MAGI1: variants seen among roughly 807,000 people sequenced by gnomAD.
MAGI1 encodes membrane-associated guanylate kinase, WW and PDZ domain-containing protein 1.
In MAGI1, 58 loss-of-function variants were observed where a neutral mutation model predicts 139.9. The ratio of observed to expected loss-of-function variants is 0.41; its 90% confidence interval spans 0.34 to 0.52. The LOEUF is 0.52. MAGI1 is among the 20% of genes least tolerant of loss of function. The probability of loss-of-function intolerance (pLI) is 0.12; values close to 1 mark genes in which losing one functional copy is unlikely to be tolerated. For synonymous variants in MAGI1, 812 were observed against 737.9 expected (o/e 1.10, Z -1.63); for missense variants, 1,874 against 1,901.6 (o/e 0.99, Z 0.27).
chr3:65,585,138 C>T (rs2081614550), intron 2 of MAGI1, among the ~76,000 whole-genome samples: 2 of 152,214 alleles, frequency 1.3e-5, no homozygotes, highest in Admixed American at 6.5e-5. Flanking sequence ...TTACAGAGGT[C>T]AAATGATTTG....
chr3:65,500,823 C>A (rs903517588), intron 2 of MAGI1, among the ~76,000 whole-genome samples: 1 of 152,200 alleles, frequency 6.6e-6, no homozygotes, highest in African/African-American at 2.4e-5. Context: ...TAATCAGGGT[C>A]CTGCTTGTCA....
chr3:65,821,199 GA>G (rs1424136543), intron 1 of MAGI1, among the ~76,000 whole-genome samples: 1 of 152,092 alleles, frequency 6.6e-6, no homozygotes, highest in Non-Finnish European at 1.5e-5. Flanking sequence ...AGAACTCAAG[GA>G]AACAAAGTGA....
At chr3:65,939,468 C>T (rs1039777932) in intron 1 of MAGI1, among the ~76,000 whole-genome samples, 2 of 152,176 alleles carry the variant, frequency 1.3e-5, no homozygotes, top group African/African-American at 2.4e-5. Flanking sequence ...TCTTAAATTA[C>T]TCATAAACAA....
chr3:65,586,768 G>C (rs1380317633), intron 2 of MAGI1, among the ~76,000 whole-genome samples: 1 of 148,556 alleles, frequency 6.7e-6, no homozygotes, highest in Non-Finnish European at 1.5e-5. Flanking sequence ...GCAAGTAACA[G>C]ATTTTTTTTT....
chr3:65,361,122 T>C, intron 22 of MAGI1, 77 bp downstream of exon 22: 4 of 1,613,292 alleles, frequency 2.5e-6, no homozygotes, highest in East Asian at 2.2e-5. Flanking sequence ...CAAAAAAGAC[T>C]TTCCTGCTGC....
intron 2 of MAGI1, among the ~76,000 whole-genome samples, chr3:65,599,882 C>A (rs1479532306): frequency 2.6e-5 from 4 of 152,168 alleles, no homozygotes; most frequent in African/African-American, 9.7e-5. Flanking sequence ...TCGCTGGCTT[C>A]ATTCTTGATT....
At chr3:65,789,654 T>A (rs2039625198) in intron 1 of MAGI1, among the ~76,000 whole-genome samples, 1 of 152,122 alleles carries the variant, frequency 6.6e-6, no homozygotes, top group Non-Finnish European at 1.5e-5. Context: ...ACTTTAAGTA[T>A]TAAAGGACAG....
chr3:66,028,830 C>G (rs1266691032), intron 1 of MAGI1, among the ~76,000 whole-genome samples: 2 of 152,024 alleles, frequency 1.3e-5, no homozygotes, highest in Non-Finnish European at 2.9e-5. Context: ...CTGAATCAAG[C>G]AGAAAAAAGA....
At chr3:65,569,909 GTGAATTATTTTTACTGAAATACT>G (rs1213782651) in intron 2 of MAGI1, among the ~76,000 whole-genome samples, 8 of 151,696 alleles carry the variant, frequency 5.3e-5, no homozygotes, top group Non-Finnish European at 7.4e-5. Flanking sequence ...TATTTATCTG[GTGAATTATTTTTACTGAAATACT>G]TGAATTATTT....
chr3:65,870,346 G>A (rs1369629005), intron 1 of MAGI1, among the ~76,000 whole-genome samples: 1 of 152,064 alleles, frequency 6.6e-6, no homozygotes, highest in Non-Finnish European at 1.5e-5. Context: ...CCAAATGATA[G>A]GGAAAGCCTG....
intron 3 of MAGI1, among the ~76,000 whole-genome samples, chr3:65,483,843 A>T (rs967493862): frequency 3.3e-5 from 5 of 152,230 alleles, no homozygotes; most frequent in African/African-American, 1.2e-4. Context: ...ACAAAGCCAA[A>T]GAAAATATTT....
At chr3:65,557,683 T>A (rs2080151887) in intron 2 of MAGI1, among the ~76,000 whole-genome samples, 1 of 152,202 alleles carries the variant, frequency 6.6e-6, no homozygotes, top group Non-Finnish European at 1.5e-5. Context: ...ACGAAATCGA[T>A]CAGTGCCAGT....
intron 1 of MAGI1, among the ~76,000 whole-genome samples, chr3:65,902,264 T>G (rs1047911778): frequency 7.5e-4 from 114 of 152,324 alleles, no homozygotes; most frequent in African/African-American, 2.6e-3. Context: ...ATCAGGTTCC[T>G]GAACACTGCT....
chr3:65,675,762 T>C (rs1272425461), intron 1 of MAGI1, among the ~76,000 whole-genome samples: 2 of 152,152 alleles, frequency 1.3e-5, no homozygotes, highest in Admixed American at 6.6e-5. Flanking sequence ...TGATAACAAT[T>C]GTCTTTGATA....
chr3:65,363,909 C>G (rs770983659), intron 20 of MAGI1, among the ~76,000 whole-genome samples: 6 of 152,256 alleles, frequency 3.9e-5, no homozygotes, highest in Admixed American at 2.6e-4. Context: ...AGCCACCTGG[C>G]TGCTGGATGC....
rs916687032 is a variant in MAGI1 at position 65,881,000 on chromosome 3, C to A, written c.313+156996G>T. ...GTGGCATGCTGCCACCTCTGCCTCC[C>A]GGGCTCAAGCGATCTTCCCGCCTCA... On this transcript the variant is annotated intron_variant, in intron 1 of 22. Transcript: ENST00000402939. Among the ~76,000 whole-genome samples the A allele has an allele frequency of 4.2e-4, 64 of 151,526 alleles. 1 individual carries two copies. The highest frequency in any genetic ancestry group is 1.5e-3 in the African/African-American group (63 of 41,140).
intron 1 of MAGI1, among the ~76,000 whole-genome samples, chr3:65,636,068 T>C (rs188930335): frequency 2.5e-4 from 38 of 152,220 alleles, no homozygotes; most frequent in African/African-American, 8.7e-4. Flanking sequence ...TAGTTTCAAA[T>C]TCAGAAACAA....
intron 1 of MAGI1, among the ~76,000 whole-genome samples, chr3:65,738,891 A>G (rs1378198442): frequency 6.6e-6 from 1 of 152,206 alleles, no homozygotes; most frequent in African/African-American, 2.4e-5. Context: ...GGCAGAGTAG[A>G]TTTAGCACCC....
At chr3:65,964,768 A>G (rs2064652736) in intron 1 of MAGI1, among the ~76,000 whole-genome samples, 1 of 152,162 alleles carries the variant, frequency 6.6e-6, no homozygotes, top group South Asian at 2.1e-4. Flanking sequence ...GCAAATCCTC[A>G]GGCATATCCT....
Sources: allele counts gnomAD v4.1 joint callset (sites outside exome capture counted in the v4.1 genomes callset), GRCh38; gene constraint gnomAD v4.1.1; transcripts MANE v1.5; gene names NCBI Gene and HGNC (gene_info 2026-07-23, HGNC 2026-07-21).